Variants in LPXN observed in about 807,000 individuals in gnomAD.
The protein encoded by LPXN is leupaxin.
In LPXN, 28 loss-of-function variants were observed where a neutral mutation model predicts 45.6. The observed-to-expected ratio is 0.61, with a 90% confidence interval of 0.45 to 0.84. The LOEUF is 0.84. Among genes scored for constraint, LPXN ranks in the 40% least tolerant of loss-of-function variants. The pLI is 0.00. For synonymous variants in LPXN, 166 were observed against 169.9 expected (o/e 0.98, Z 0.18); for missense variants, 459 against 475.0 (o/e 0.97, Z 0.31).
At position 58,570,562 on chromosome 11, in the gene LPXN, G is replaced by A; in HGVS notation, c.165C>T (p.Pro55=). The A allele has an allele frequency of 6.2e-7, 1 of 1,605,932 alleles. No homozygotes were observed. Among genetic ancestry groups the A allele is most frequent in the Non-Finnish European group, 8.5e-7 (1 of 1,175,460 alleles). The change falls in exon 2 of 9, where the codon CCC becomes CCT. Residue 55 remains proline, a synonymous_variant. Transcript: ENST00000395074. ...EILSIQDNTS[P]LPAQLVYTTN... ...ATAATAAATGAAAATTTACCGGCAA[G>A]GGACTTGTGTTATCCTGAATAGAAA...
At chr11:58,534,341 A>G (rs112491840) in intron 7 of LPXN, among the ~76,000 whole-genome samples, 2,682 of 152,350 alleles carry the variant, frequency 0.018, 88 homozygotes, top group African/African-American at 0.061. Flanking sequence ...ACCACAGTGC[A>G]ATCAAATTAG....
At chr11:58,576,295 G>T (rs1488752208), upstream of LPXN, among the ~76,000 whole-genome samples, 2 of 151,922 alleles carry the variant, frequency 1.3e-5, no homozygotes, top group Non-Finnish European at 2.9e-5. Flanking sequence ...AGAAATTATG[G>T]TTATCTGCTT....
chr11:58,529,982 G>A (rs1326203109), intron 7 of LPXN, among the ~76,000 whole-genome samples: 2 of 152,300 alleles, frequency 1.3e-5, no homozygotes, highest in East Asian at 1.9e-4. Context: ...AAACTGTGCC[G>A]TGAGGAACAG....
intron 2 of LPXN, among the ~76,000 whole-genome samples, chr11:58,566,972 A>G (rs1854544227): frequency 6.6e-6 from 1 of 152,084 alleles, no homozygotes; most frequent in Non-Finnish European, 1.5e-5. Flanking sequence ...CTGTCAGAAA[A>G]GTTTTGTAGA....
At chr11:58,564,123 T>C (rs1204531230) in intron 3 of LPXN, 32 bp downstream of exon 3, 5 of 1,395,808 alleles carry the variant, frequency 3.6e-6, no homozygotes, top group Non-Finnish European at 3.0e-6. Context: ...CTAACTTTAA[T>C]TTTTAAAAGC....
At chr11:58,551,962 T>C (rs1275899498) in intron 4 of LPXN, among the ~76,000 whole-genome samples, 1 of 152,124 alleles carries the variant, frequency 6.6e-6, no homozygotes, top group Non-Finnish European at 1.5e-5. Flanking sequence ...TCAGTGGGGC[T>C]AGAGCAGAGG....
intron 6 of LPXN, 47 bp downstream of exon 6, chr11:58,549,926 T>C: frequency 6.2e-7 from 1 of 1,613,836 alleles, no homozygotes; most frequent in Admixed American, 1.7e-5. Context: ...ATGACTCTGG[T>C]TCTAAGTGAG....
chr11:58,538,647 T>C (rs550033877), intron 7 of LPXN, among the ~76,000 whole-genome samples: 2 of 152,280 alleles, frequency 1.3e-5, no homozygotes, highest in Admixed American at 1.3e-4. Flanking sequence ...TCTTACCATA[T>C]ACACATGAAA....
chr11:58,548,453 A>G (rs1853939679), intron 7 of LPXN, among the ~76,000 whole-genome samples: 1 of 152,092 alleles, frequency 6.6e-6, no homozygotes, highest in Non-Finnish European at 1.5e-5. Flanking sequence ...CCAGAAAAAA[A>G]AAAAAGAAAA....
At chr11:58,540,168 A>C (rs939916178) in intron 7 of LPXN, among the ~76,000 whole-genome samples, 11 of 152,160 alleles carry the variant, frequency 7.2e-5, no homozygotes, top group African/African-American at 2.7e-4. Context: ...GGCAGGAGTA[A>C]AGCAAAAAAC....
At chr11:58,562,999 T>C (rs1368016124) in intron 3 of LPXN, among the ~76,000 whole-genome samples, 4 of 152,094 alleles carry the variant, frequency 2.6e-5, no homozygotes, top group Non-Finnish European at 4.4e-5. Context: ...GCCCATACTA[T>C]GAGGAAGAGG....
chr11:58,568,943 G>A (rs528562923), intron 2 of LPXN, among the ~76,000 whole-genome samples: 1 of 152,292 alleles, frequency 6.6e-6, no homozygotes, highest in Admixed American at 6.5e-5. Context: ...GTTTTTAAAG[G>A]TGACCCTGGC....
rs1853242579 is a variant in LPXN at position 58,526,916 on chromosome 11, C to CA, written c.*537dup. On this transcript the variant is annotated 3_prime_UTR_variant, in exon 9 of 9. Coordinates refer to ENST00000395074, the MANE Select transcript of LPXN (RefSeq NM_004811.3). ...TTTATTTATCAATGATGTCAGTACT[C>CA]AAAGTTGTCCAGTTAAAATCTACTT... The CA allele has an allele frequency of 1.3e-5, 2 of 155,732 alleles. No individual in the cohort carries two copies. Among genetic ancestry groups the CA allele is most frequent in the South Asian group, 1.9e-4 (1 of 5,188 alleles). 9.6% of individuals were successfully genotyped at this position (155,732 alleles called of 1,614,324 possible).
chr11:58,540,701 A>T (rs1479629144), intron 7 of LPXN, among the ~76,000 whole-genome samples: 1 of 152,198 alleles, frequency 6.6e-6, no homozygotes, highest in East Asian at 1.9e-4. Flanking sequence ...AGGTATAAGA[A>T]CTTTCTCTTT....
At chr11:58,558,018 C>A (rs6591480) in intron 3 of LPXN, among the ~76,000 whole-genome samples, 145,047 of 151,676 alleles carry the variant, frequency 0.96, 69,519 homozygotes, top group Middle Eastern at 0.99. Context: ...TTTGGAAAAA[C>A]AAAATAGGAG....
intron 2 of LPXN, among the ~76,000 whole-genome samples, chr11:58,569,944 AC>A (rs1854635040): frequency 6.6e-6 from 1 of 151,996 alleles, no homozygotes; most frequent in Non-Finnish European, 1.5e-5. Context: ...TGATGCCCCC[AC>A]AGTAACATCA....
At chr11:58,553,217 T>C (rs958914318) in intron 4 of LPXN, among the ~76,000 whole-genome samples, 1 of 151,232 alleles carries the variant, frequency 6.6e-6, no homozygotes, top group Non-Finnish European at 1.5e-5. Context: ...ACGCCTGTAA[T>C]CACAGCTACT....
intron 7 of LPXN, among the ~76,000 whole-genome samples, chr11:58,537,891 T>C (rs2120231610): frequency 6.7e-6 from 1 of 149,430 alleles, no homozygotes; most frequent in South Asian, 2.2e-4. Context: ...CATTTAGCAT[T>C]AGGTATATCT....
At chr11:58,527,961 C>T (rs1437839915) in intron 8 of LPXN, 82 bp downstream of exon 8, 5 of 1,483,796 alleles carry the variant, frequency 3.4e-6, no homozygotes, top group Non-Finnish European at 4.6e-6. Flanking sequence ...ACTGTGAACC[C>T]TTTCACTAAC....
Sources: allele counts gnomAD v4.1 joint callset (sites outside exome capture counted in the v4.1 genomes callset), GRCh38; gene constraint gnomAD v4.1.1; transcripts MANE v1.5; gene names NCBI Gene and HGNC (gene_info 2026-07-23, HGNC 2026-07-21).